The following PPA2 variants were observed in gnomAD, a reference collection of about 807,000 sequenced individuals.
PPA2 encodes the protein inorganic pyrophosphatase 2, mitochondrial.
PPA2 carries 48 observed loss-of-function variants against 49.5 expected under a neutral mutation model. The observed-to-expected ratio is 0.97, with a 90% CI of 0.77 to 1.23. The LOEUF (loss-of-function observed/expected upper bound fraction) is 1.23. Among genes scored for constraint, PPA2 ranks in the 50% most tolerant of loss-of-function variants. PPA2 has a pLI of 0.00. For missense variants in PPA2, 429 were observed against 410.1 expected, an observed-to-expected ratio of 1.05 and a Z score of -0.40; for synonymous variants, 131 against 139.9, an observed-to-expected ratio of 0.94 and a Z score of 0.45.
In PPA2 at chr4:105,376,005, A is replaced by C. The variant is rs149350092; in HGVS notation, c.940-5132T>G. Reference sequence around the variant, plus strand: ...AATCCATCTTGTGATCCTTAGGAAAAATAAAACATGGCTTTGGTGTGATTT... The same window carrying C: ...AATCCATCTTGTGATCCTTAGGAAACATAAAACATGGCTTTGGTGTGATTT... On this transcript the variant is annotated intron_variant, in intron 10 of 11. Transcript: ENST00000341695. Among the ~76,000 whole-genome samples, 694 of 152,308 alleles carry C rather than the reference A, an allele frequency of 4.6e-3. 8 individuals carry two copies. Among genetic ancestry groups the C allele is most frequent in the African/African-American group, 0.016 (655 of 41,564 alleles).
intron 1 of PPA2, among the ~76,000 whole-genome samples, chr4:105,462,011 T>C (rs1478880244): frequency 6.6e-6 from 1 of 152,338 alleles, no homozygotes; most frequent in East Asian, 1.9e-4. Flanking sequence ...GCTATTATGT[T>C]CCATTTAAAG....
chr4:105,473,706 C>T (rs1240874324), intron 1 of PPA2, 188 bp downstream of exon 1: 1 of 931,904 alleles, frequency 1.1e-6, no homozygotes, highest in South Asian at 1.3e-5. Flanking sequence ...GCCGCCTCCT[C>T]GCTGGCAGTT....
At chr4:105,395,151 T>C (rs72964226) in intron 9 of PPA2, among the ~76,000 whole-genome samples, 2 of 145,708 alleles carry the variant, frequency 1.4e-5, no homozygotes, top group African/African-American at 2.5e-5. Flanking sequence ...AGTGTTTCTT[T>C]AGTAAGCAAG....
intron 3 of PPA2, among the ~76,000 whole-genome samples, chr4:105,452,711 A>AGAC (rs1034597869): frequency 2.5e-4 from 38 of 152,300 alleles, no homozygotes; most frequent in African/African-American, 8.9e-4. Flanking sequence ...AGGTAAAAGG[A>AGAC]GACAGGAAAG....
At chr4:105,400,451 G>A (rs1024161096) in intron 7 of PPA2, among the ~76,000 whole-genome samples, 5 of 152,088 alleles carry the variant, frequency 3.3e-5, no homozygotes, top group Non-Finnish European at 7.4e-5. Context: ...CCAACATGGT[G>A]AAACCCCATA....
At chr4:105,426,350 C>G (rs1723508505) in intron 6 of PPA2, among the ~76,000 whole-genome samples, 1 of 152,186 alleles carries the variant, frequency 6.6e-6, no homozygotes, top group Non-Finnish European at 1.5e-5. Context: ...GGGTGCAGCC[C>G]TCGGAGAGCA....
At chr4:105,417,187 T>C (rs1323010284) in intron 7 of PPA2, among the ~76,000 whole-genome samples, 1 of 152,196 alleles carries the variant, frequency 6.6e-6, no homozygotes, top group East Asian at 1.9e-4. Context: ...ACTTCCAGCT[T>C]CATCACTTAA....
At chr4:105,405,469 A>G in intron 7 of PPA2, 1 of 892,804 alleles carries the variant, frequency 1.1e-6, no homozygotes, top group South Asian at 5.2e-5. Context: ...TGTTGAAGTT[A>G]AATTAACCCC....
chr4:105,377,889 G>C (rs1434876380), intron 10 of PPA2, among the ~76,000 whole-genome samples: 1 of 151,840 alleles, frequency 6.6e-6, no homozygotes, highest in Non-Finnish European at 1.5e-5. Context: ...TTTTATTACT[G>C]AGTAGTATTC....
At chr4:105,448,913 G>C (rs1329170517) in intron 4 of PPA2, among the ~76,000 whole-genome samples, 1 of 151,876 alleles carries the variant, frequency 6.6e-6, no homozygotes, top group Non-Finnish European at 1.5e-5. Flanking sequence ...GTATTTTTCT[G>C]AACTATCTCA....
intron 1 of PPA2, among the ~76,000 whole-genome samples, chr4:105,460,155 G>T (rs932757171): frequency 6.6e-6 from 1 of 152,162 alleles, no homozygotes; most frequent in Non-Finnish European, 1.5e-5. Context: ...ATCGCAGATC[G>T]AAAATATTCT....
At chr4:105,433,151 G>T (rs892398276) in intron 6 of PPA2, among the ~76,000 whole-genome samples, 2 of 151,886 alleles carry the variant, frequency 1.3e-5, no homozygotes, top group Non-Finnish European at 2.9e-5. Flanking sequence ...GCTAGGAGAA[G>T]TTTTTTTTGA....
chr4:105,464,781 C>T (rs1715095120), intron 1 of PPA2, among the ~76,000 whole-genome samples: 1 of 152,170 alleles, frequency 6.6e-6, no homozygotes, highest in Admixed American at 6.5e-5. Flanking sequence ...ATTGTGAGGC[C>T]TCCCCAGCCA....
At chr4:105,467,645 T>C (rs1314793816) in intron 1 of PPA2, among the ~76,000 whole-genome samples, 1 of 149,274 alleles carries the variant, frequency 6.7e-6, no homozygotes, top group Non-Finnish European at 1.5e-5. Context: ...AATCAGGAGG[T>C]TACAACTGAT....
At chr4:105,391,917 GAGTAAAGAAATGCTAAGTAACTGAATT>G (rs1444952975) in intron 9 of PPA2, among the ~76,000 whole-genome samples, 2 of 149,634 alleles carry the variant, frequency 1.3e-5, no homozygotes, top group African/African-American at 5.1e-5. Context: ...ATTACTTTAT[GAGTAAAGAAATGCTAAGTAACTGAATT>G]AGTGTAGTTT....
chr4:105,419,005 GGC>G (rs1394902792), intron 7 of PPA2, among the ~76,000 whole-genome samples: 1 of 152,064 alleles, frequency 6.6e-6, no homozygotes, highest in African/African-American at 2.4e-5. Context: ...TATTCACACT[GGC>G]CAAGGTATTT....
At chr4:105,416,319 G>A (rs1723005465) in intron 7 of PPA2, among the ~76,000 whole-genome samples, 2 of 152,154 alleles carry the variant, frequency 1.3e-5, no homozygotes, top group Non-Finnish European at 2.9e-5. Context: ...ATAAAAACCA[G>A]TGACATAAAA....
rs149400880 is a variant in PPA2 at position 105,381,964 on chromosome 4, A to G, written c.939+4603T>C. Among the ~76,000 whole-genome samples the G allele has an allele frequency of 2.5e-3, 387 of 152,156 alleles. 1 individual carries two copies. The highest frequency in any genetic ancestry group is 0.017 in the Middle Eastern group (5 of 294). ...TTGAGAAGTTGTTGAGAAGATTCAA[A>G]CAAAATGTACAAGTAATTGTTAAGT... On this transcript the variant is annotated intron_variant, in intron 10 of 11. Transcript: ENST00000341695.
intron 3 of PPA2, among the ~76,000 whole-genome samples, chr4:105,450,631 G>A (rs150797044): frequency 0.022 from 1,314 of 60,054 alleles, 16 homozygotes; most frequent in African/African-American, 0.053. Context: ...TTTTTGAGAC[G>A]GAGTCTCGCT....
Sources: gnomAD v4.1 joint callset for allele counts (sites outside exome capture counted in the v4.1 genomes callset) on GRCh38, gnomAD v4.1.1 for gene constraint, MANE v1.5 for transcripts, NCBI Gene and HGNC (gene_info 2026-07-23, HGNC 2026-07-21) for gene names.